Variants in KHDRBS2 observed in about 807,000 individuals in gnomAD.
KHDRBS2 encodes the protein KH RNA binding domain containing, signal transduction associated 2.
In KHDRBS2, 26 loss-of-function variants were observed where a neutral mutation model predicts 44.3. The observed-to-expected ratio is 0.59, with a 90% confidence interval of 0.43 to 0.81. KHDRBS2 has a LOEUF of 0.81. Among genes scored for constraint, KHDRBS2 ranks in the 40% least tolerant of loss-of-function variants. KHDRBS2 has a pLI of 0.00. For missense variants in KHDRBS2, 476 were observed against 433.1 expected, an observed-to-expected ratio of 1.10 and a Z score of -0.88; for synonymous variants, 194 against 151.1, an observed-to-expected ratio of 1.28 and a Z score of -2.08.
chr6:61,816,542 C>A, intron 6 of KHDRBS2: 1 of 408,614 alleles, frequency 2.4e-6, no homozygotes, highest in Non-Finnish European at 5.0e-6. Context: ...GGAGCACGAC[C>A]CTGCTGACAT....
intron 6 of KHDRBS2, among the ~76,000 whole-genome samples, chr6:61,754,515 C>A (rs1778198991): frequency 6.7e-6 from 1 of 149,840 alleles, no homozygotes. Flanking sequence ...GACAGGATTT[C>A]ATGAGTTTAT....
At chr6:62,258,862 G>T (rs1216545573) in intron 1 of KHDRBS2, among the ~76,000 whole-genome samples, 1 of 152,124 alleles carries the variant, frequency 6.6e-6, no homozygotes, top group East Asian at 1.9e-4. Context: ...CTCTGCACAT[G>T]TCCCCATCAG....
intron 1 of KHDRBS2, among the ~76,000 whole-genome samples, chr6:62,270,010 TGAA>T (rs1227534756): frequency 2.0e-5 from 3 of 152,136 alleles, no homozygotes; most frequent in African/African-American, 7.2e-5. Context: ...CATATGAAGT[TGAA>T]GAACAAAATT....
chr6:61,589,534 C>T, the KHDRBS2 span, among the ~76,000 whole-genome samples: 1 of 152,248 alleles, frequency 6.6e-6, no homozygotes, highest in East Asian at 1.9e-4. Context: ...GTACAAGTTT[C>T]TCAGGATAAT....
intron 6 of KHDRBS2, among the ~76,000 whole-genome samples, chr6:61,743,775 C>CG (rs1262899670): frequency 7.8e-6 from 1 of 128,588 alleles, no homozygotes; most frequent in Non-Finnish European, 1.7e-5. Flanking sequence ...ATGCTATCCC[C>CG]CCCCTCCCCC....
At chr6:61,607,610 T>C in the KHDRBS2 span, among the ~76,000 whole-genome samples, 226 of 144,734 alleles carry the variant, frequency 1.6e-3, 1 homozygote, top group African/African-American at 5.4e-3. Flanking sequence ...AAATGGATGA[T>C]TTTTAAAAAA....
At position 61,806,508 on chromosome 6, in the gene KHDRBS2, C is replaced by T. The variant is rs533356905; in HGVS notation, c.811-73744G>A. 4.6e-5 allele frequency among the ~76,000 whole-genome samples: 7 copies of T among 152,122 alleles called. No individual in the cohort carries two copies. In the East Asian group the frequency reaches 1.3e-3, roughly 29 times the overall value. Reference sequence around the variant, plus strand: ...TCAAAATTGCTTTGCCAAGCCATTCCCAAATGCAAATGGATGATTTGAACA... The same window carrying T: ...TCAAAATTGCTTTGCCAAGCCATTCTCAAATGCAAATGGATGATTTGAACA... On this transcript the variant is annotated intron_variant, in intron 6 of 8. Transcript: ENST00000281156.
intron 3 of KHDRBS2, among the ~76,000 whole-genome samples, chr6:62,027,250 CA>C (rs1783532200): frequency 6.6e-6 from 1 of 151,654 alleles, no homozygotes; most frequent in East Asian, 1.9e-4. Flanking sequence ...AAAACCATAG[CA>C]AAAAATGTAA....
chr6:61,719,139 C>G (rs1771930486), intron 7 of KHDRBS2, among the ~76,000 whole-genome samples: 1 of 152,096 alleles, frequency 6.6e-6, no homozygotes. Context: ...AAAGCAAAGA[C>G]TTCCATTTAA....
intron 7 of KHDRBS2, among the ~76,000 whole-genome samples, chr6:61,706,609 A>G (rs543465883): frequency 5.9e-5 from 9 of 151,896 alleles, no homozygotes; most frequent in African/African-American, 2.2e-4. Flanking sequence ...TACCTAGACA[A>G]TTGTGATCAC....
At chr6:61,897,481 T>C (rs991830791) in intron 5 of KHDRBS2, among the ~76,000 whole-genome samples, 2 of 152,150 alleles carry the variant, frequency 1.3e-5, no homozygotes, top group African/African-American at 4.8e-5. Context: ...CTTCACCTAC[T>C]CTTAGTTAAT....
At chr6:61,886,283 T>G (rs1442127663) in intron 6 of KHDRBS2, among the ~76,000 whole-genome samples, 1 of 152,200 alleles carries the variant, frequency 6.6e-6, no homozygotes, top group Non-Finnish European at 1.5e-5. Flanking sequence ...TATCTTAAAC[T>G]ATATTTCACC....
chr6:62,183,208 C>T (rs1040512271), intron 1 of KHDRBS2, among the ~76,000 whole-genome samples: 1 of 151,658 alleles, frequency 6.6e-6, no homozygotes, highest in East Asian at 1.9e-4. Flanking sequence ...ATTGTTGAGG[C>T]TCATATTTTT....
chr6:61,917,756 T>C (rs893260797), intron 4 of KHDRBS2, among the ~76,000 whole-genome samples: 1 of 151,966 alleles, frequency 6.6e-6, no homozygotes, highest in African/African-American at 2.4e-5. Context: ...GAGATCTCTT[T>C]ACCTTCCTGT....
intron 2 of KHDRBS2, among the ~76,000 whole-genome samples, chr6:62,107,027 T>G (rs1803562859): frequency 6.6e-6 from 1 of 152,088 alleles, no homozygotes; most frequent in Admixed American, 6.6e-5. Context: ...CTTTGAAAAC[T>G]GGCACAAGAC....
At chr6:62,134,598 G>A (rs1375848573) in intron 2 of KHDRBS2, among the ~76,000 whole-genome samples, 1 of 152,118 alleles carries the variant, frequency 6.6e-6, no homozygotes, top group Non-Finnish European at 1.5e-5. Context: ...CCAACAGCTT[G>A]CACTGTGTAC....
intron 1 of KHDRBS2, among the ~76,000 whole-genome samples, chr6:62,281,592 C>T (rs1841809959): frequency 6.6e-6 from 1 of 152,112 alleles, no homozygotes; most frequent in Admixed American, 6.5e-5. Context: ...TTCACTCTAA[C>T]CTGGGCAACA....
chr6:61,659,924 C>T, the KHDRBS2 span, among the ~76,000 whole-genome samples: 1 of 151,704 alleles, frequency 6.6e-6, no homozygotes, highest in African/African-American at 2.4e-5. Flanking sequence ...AAATACTTGC[C>T]TCACTGGGTT....
intron 2 of KHDRBS2, among the ~76,000 whole-genome samples, chr6:62,172,698 GAA>G (rs33984802): frequency 9.8e-4 from 72 of 73,472 alleles, no homozygotes; most frequent in African/African-American, 3.6e-3. Flanking sequence ...CCAGCAAACT[GAA>G]AAAAAAAAAA....
Sources: allele counts gnomAD v4.1 joint callset (sites outside exome capture counted in the v4.1 genomes callset), GRCh38; gene constraint gnomAD v4.1.1; transcripts MANE v1.5; gene names NCBI Gene and HGNC (gene_info 2026-07-23, HGNC 2026-07-21).